Variants in CEP63 observed in about 807,000 individuals in gnomAD.
CEP63 encodes centrosomal protein 63.
In CEP63, 84 loss-of-function variants were observed where a neutral mutation model predicts 89.1. That is an observed-to-expected ratio of 0.94 (90% CI 0.79 to 1.13). The LOEUF is 1.13. Ranked by LOEUF, CEP63 falls within the 50% of genes most tolerant of loss-of-function variation. The probability of loss-of-function intolerance (pLI) is 0.00; values close to 1 mark genes in which losing one functional copy is unlikely to be tolerated. For synonymous variants in CEP63, 267 were observed against 272.5 expected (o/e 0.98, Z 0.20); for missense variants, 838 against 813.3 (o/e 1.03, Z -0.37).
At chr3:134,496,632 A>G (rs189631498) in intron 2 of CEP63, among the ~76,000 whole-genome samples, 12 of 152,294 alleles carry the variant, frequency 7.9e-5, no homozygotes, top group Admixed American at 7.2e-4. Flanking sequence ...TTTTGTGGCC[A>G]CAGAATCTTC....
At chr3:134,654,836 C>T in the CEP63 span, among the ~76,000 whole-genome samples, 120 of 152,034 alleles carry the variant, frequency 7.9e-4, 1 homozygote, top group African/African-American at 2.8e-3. Context: ...ACTTTGAAGC[C>T]TTCCTGGGTA....
At chr3:134,525,236 A>G (rs1948398446) in intron 3 of CEP63, among the ~76,000 whole-genome samples, 1 of 152,076 alleles carries the variant, frequency 6.6e-6, no homozygotes, top group Non-Finnish European at 1.5e-5. Flanking sequence ...TATCTTCCTT[A>G]TCATTTCTGA....
At chr3:134,567,941 T>A (rs1309899601), downstream of CEP63, among the ~76,000 whole-genome samples, 1 of 152,250 alleles carries the variant, frequency 6.6e-6, no homozygotes, top group Non-Finnish European at 1.5e-5. Flanking sequence ...ATGAGCATAT[T>A]GAAGTTCTGC....
the CEP63 span, among the ~76,000 whole-genome samples, chr3:134,769,902 A>G: frequency 6.6e-6 from 1 of 152,376 alleles, no homozygotes; most frequent in East Asian, 1.9e-4. Context: ...ATCATGTGCT[A>G]GGCCTAAGGG....
the CEP63 span, among the ~76,000 whole-genome samples, chr3:134,710,869 G>A: frequency 1.3e-5 from 2 of 151,766 alleles, no homozygotes; most frequent in African/African-American, 2.4e-5. Flanking sequence ...GTACAGGCGC[G>A]CACCACCATG....
At chr3:134,633,922 G>GT in the CEP63 span, among the ~76,000 whole-genome samples, 1 of 152,268 alleles carries the variant, frequency 6.6e-6, no homozygotes, top group Admixed American at 6.5e-5. Flanking sequence ...GGTATACAAG[G>GT]TTAACATACA....
chr3:134,616,672 T>TG, the CEP63 span, among the ~76,000 whole-genome samples: 3 of 152,214 alleles, frequency 2.0e-5, no homozygotes, highest in Non-Finnish European at 4.4e-5. Context: ...AATGATAAGC[T>TG]GCAGGCCAGA....
At chr3:134,591,286 T>G (rs1958591067), downstream of CEP63, among the ~76,000 whole-genome samples, 1 of 152,230 alleles carries the variant, frequency 6.6e-6, no homozygotes, top group Admixed American at 6.5e-5. Context: ...GCTTTATTTC[T>G]TCTCTGGAAG....
chr3:134,689,608 C>T, the CEP63 span, among the ~76,000 whole-genome samples: 3 of 152,068 alleles, frequency 2.0e-5, no homozygotes, highest in South Asian at 6.2e-4. Flanking sequence ...CCTGCCACCA[C>T]GCTCAAGTAA....
intron 3 of CEP63, among the ~76,000 whole-genome samples, chr3:134,508,984 T>A (rs1424758812): frequency 6.6e-6 from 1 of 151,404 alleles, no homozygotes; most frequent in Non-Finnish European, 1.5e-5. Flanking sequence ...TTTTTTTTTT[T>A]AAGGAACAAA....
At chr3:134,658,413 G>A in the CEP63 span, among the ~76,000 whole-genome samples, 8 of 152,212 alleles carry the variant, frequency 5.3e-5, no homozygotes, top group South Asian at 2.1e-4. Context: ...GTTGTATTTC[G>A]TAGCAAAGTC....
downstream of CEP63, among the ~76,000 whole-genome samples, chr3:134,568,089 A>C (rs957200718): frequency 4.6e-5 from 7 of 152,182 alleles, no homozygotes; most frequent in African/African-American, 1.7e-4. Context: ...ATACTCTTTG[A>C]AACTAGTCTT....
the CEP63 span, chr3:134,607,005 A>G: frequency 2.0e-6 from 2 of 984,770 alleles, no homozygotes; most frequent in Non-Finnish European, 2.4e-6. Flanking sequence ...TAAGTATCAG[A>G]TATATGGAAT....
the CEP63 span, chr3:134,604,091 C>T: frequency 2.5e-6 from 4 of 1,613,042 alleles, no homozygotes; most frequent in African/African-American, 2.7e-5. Context: ...GAAGCCAGGA[C>T]ATTAATGCCC....
At chr3:134,627,845 T>C in the CEP63 span, 3 of 1,582,240 alleles carry the variant, frequency 1.9e-6, no homozygotes, top group South Asian at 1.1e-5. Context: ...ATCAGAAGTA[T>C]AGATACTTCA....
At chr3:134,675,472 C>G in the CEP63 span, among the ~76,000 whole-genome samples, 1 of 152,070 alleles carries the variant, frequency 6.6e-6, no homozygotes, top group African/African-American at 2.4e-5. Context: ...CTTGGATAAA[C>G]AACCATTTCC....
the CEP63 span, among the ~76,000 whole-genome samples, chr3:134,615,982 G>A: frequency 6.6e-6 from 1 of 152,172 alleles, no homozygotes; most frequent in Admixed American, 6.5e-5. Context: ...TAAGTGCCTG[G>A]CTTTATCCAA....
At chr3:134,509,224 G>T (rs1944264336) in intron 3 of CEP63, among the ~76,000 whole-genome samples, 2 of 152,156 alleles carry the variant, frequency 1.3e-5, no homozygotes, top group East Asian at 3.9e-4. Flanking sequence ...TTTCAGTTAT[G>T]GCGGAAGGCA....
chr3:134,537,971 A>G (rs1411699990), intron 6 of CEP63, among the ~76,000 whole-genome samples: 1 of 152,214 alleles, frequency 6.6e-6, no homozygotes, highest in Non-Finnish European at 1.5e-5. Flanking sequence ...TACTTTAGGA[A>G]TATGTCTTGT....
Sources: gnomAD v4.1 joint callset for allele counts (sites outside exome capture counted in the v4.1 genomes callset) on GRCh38, gnomAD v4.1.1 for gene constraint, MANE v1.5 for transcripts, NCBI Gene and HGNC (gene_info 2026-07-23, HGNC 2026-07-21) for gene names.